The following SUGCT variants were observed in gnomAD, a reference collection of about 807,000 sequenced individuals.
SUGCT encodes succinyl-CoA:glutarate-CoA transferase.
Under a neutral mutation model 55.0 loss-of-function variants are expected in SUGCT, and 41 were observed. The ratio of observed to expected loss-of-function variants is 0.74; its 90% confidence interval spans 0.58 to 0.97. The LOEUF is 0.97. Among genes scored for constraint, SUGCT ranks in the 50% least tolerant of loss-of-function variants. The pLI is 0.00. For synonymous variants in SUGCT, 187 were observed against 200.4 expected (o/e 0.93, Z 0.56); for missense variants, 568 against 547.8 (o/e 1.04, Z -0.37).
chr7:41,009,327 A>C, the SUGCT span, among the ~76,000 whole-genome samples: 2 of 152,166 alleles, frequency 1.3e-5, no homozygotes, highest in African/African-American at 4.8e-5. Context: ...TTTTATACCC[A>C]GGGCTCAATG....
At chr7:40,444,758 A>C (rs566539718) in intron 9 of SUGCT, among the ~76,000 whole-genome samples, 5 of 152,078 alleles carry the variant, frequency 3.3e-5, no homozygotes, top group Non-Finnish European at 5.9e-5. Flanking sequence ...TTCCAACACT[A>C]TGTTGAATAG....
intron 13 of SUGCT, among the ~76,000 whole-genome samples, chr7:40,770,416 G>A (rs1789034006): frequency 6.6e-6 from 1 of 152,152 alleles, no homozygotes; most frequent in Non-Finnish European, 1.5e-5. Flanking sequence ...TTCCCTGGAA[G>A]GTGGTCCTTG....
the SUGCT span, among the ~76,000 whole-genome samples, chr7:40,882,184 C>A: frequency 6.6e-6 from 1 of 152,150 alleles, no homozygotes; most frequent in Non-Finnish European, 1.5e-5. Context: ...AGGAAAAATC[C>A]ATTAATTTAT....
At chr7:40,225,214 T>G (rs1362202015) in intron 6 of SUGCT, among the ~76,000 whole-genome samples, 1 of 152,176 alleles carries the variant, frequency 6.6e-6, no homozygotes, top group Non-Finnish European at 1.5e-5. Context: ...TTCAGTATGC[T>G]TTTGCTGCAT....
chr7:40,760,441 G>A (rs1299017223), intron 13 of SUGCT, among the ~76,000 whole-genome samples: 1 of 152,156 alleles, frequency 6.6e-6, no homozygotes, highest in Admixed American at 6.5e-5. Flanking sequence ...GCTGGAGGGA[G>A]AGGGGTATGG....
Position 40,214,417 on chromosome 7 carries a change from G to A in SUGCT, c.484+19357G>A, listed in dbSNP as rs540433747. Among the ~76,000 whole-genome samples the A allele has an allele frequency of 5.9e-5, 9 of 152,184 alleles. No homozygotes were observed. In the South Asian group the frequency reaches 1.9e-3, roughly 32 times the overall value. ...CATAATATTTACAGCAGCCCCATGG[G>A]GTAGCTTCAATTATCATTTTAAAGT... is the stretch of plus-strand genomic sequence containing the variant. On this transcript the variant is annotated intron_variant, in intron 6 of 13. Transcript: ENST00000335693.
In SUGCT at chr7:40,478,087, G is replaced by A. The variant is rs148380995; in HGVS notation, c.987-18197G>A. On this transcript the variant is annotated intron_variant, in intron 11 of 13. Transcript: ENST00000335693. ...AGCTCACTGCAGCCTCAAACTCTTG[G>A]GCTCAAGGGATCCTCCTGCCTAAGC... Among the ~76,000 whole-genome samples the A allele has an allele frequency of 2.6e-3, 391 of 152,204 alleles. 2 individuals are homozygous for A. The highest frequency in any genetic ancestry group is 9.1e-3 in the African/African-American group (380 of 41,544).
Position 40,269,776 on chromosome 7 carries a change from A to G in SUGCT, c.577-4737A>G, listed in dbSNP as rs370715194. Among the ~76,000 whole-genome samples the G allele has an allele frequency of 7.2e-5, 11 of 152,270 alleles. No individual in the cohort carries two copies. In the East Asian group the frequency reaches 1.4e-3, roughly 19 times the overall value. ...GTATATTTTCTTTGGAGAAATGTCT[A>G]TTGAGATCTTTTGCCCATATTTAAA... On this transcript the variant is annotated intron_variant, in intron 7 of 13. Coordinates refer to ENST00000335693, the MANE Select transcript of SUGCT (RefSeq NM_001193313.2).
chr7:40,739,280 C>T (rs1160902410), intron 12 of SUGCT, among the ~76,000 whole-genome samples: 1 of 152,130 alleles, frequency 6.6e-6, no homozygotes, highest in Non-Finnish European at 1.5e-5. Flanking sequence ...TCTGGAGACC[C>T]CCAATCTGTT....
At chr7:40,886,154 T>A in the SUGCT span, among the ~76,000 whole-genome samples, 2 of 152,148 alleles carry the variant, frequency 1.3e-5, no homozygotes, top group African/African-American at 4.8e-5. Context: ...AAACAATGCA[T>A]GATAGAGTAG....
chr7:40,185,901 A>G (rs1200572276), intron 3 of SUGCT, among the ~76,000 whole-genome samples: 1 of 152,098 alleles, frequency 6.6e-6, no homozygotes, highest in Non-Finnish European at 1.5e-5. Flanking sequence ...TTCATATTAT[A>G]TATTTAATTG....
At chr7:40,336,585 G>A (rs1355640231) in intron 9 of SUGCT, among the ~76,000 whole-genome samples, 15 of 152,036 alleles carry the variant, frequency 9.9e-5, no homozygotes, top group African/African-American at 3.6e-4. Flanking sequence ...CTGTGGGATC[G>A]GTCATGATAT....
intron 9 of SUGCT, among the ~76,000 whole-genome samples, chr7:40,322,597 G>A (rs1795813499): frequency 6.6e-6 from 1 of 152,248 alleles, no homozygotes. Context: ...CAGCTATAGT[G>A]TTGCCCTCAT....
intron 12 of SUGCT, among the ~76,000 whole-genome samples, chr7:40,514,065 C>T (rs1038475889): frequency 6.6e-6 from 1 of 151,958 alleles, no homozygotes; most frequent in African/African-American, 2.4e-5. Flanking sequence ...GCTGGGATTA[C>T]AGGTGTGAGT....
intron 12 of SUGCT, among the ~76,000 whole-genome samples, chr7:40,628,769 C>A (rs191523084): frequency 6.6e-6 from 1 of 151,916 alleles, no homozygotes; most frequent in East Asian, 1.9e-4. Flanking sequence ...TAGATGGAGT[C>A]TCACTCTGCC....
At chr7:40,331,466 T>C (rs1368562191) in intron 9 of SUGCT, among the ~76,000 whole-genome samples, 3 of 152,170 alleles carry the variant, frequency 2.0e-5, no homozygotes, top group African/African-American at 7.2e-5. Context: ...ATAAAATAGG[T>C]ATATTACTAC....
chr7:40,162,143 G>A (rs544962460), intron 1 of SUGCT, among the ~76,000 whole-genome samples: 1 of 152,058 alleles, frequency 6.6e-6, no homozygotes, highest in African/African-American at 2.4e-5. Flanking sequence ...TGATCCGCCC[G>A]CCTCGGCCTC....
At chr7:40,397,858 G>A (rs1162644023) in intron 9 of SUGCT, among the ~76,000 whole-genome samples, 1 of 152,126 alleles carries the variant, frequency 6.6e-6, no homozygotes, top group African/African-American at 2.4e-5. Flanking sequence ...TGTCCACTCT[G>A]TGTTTTCCTT....
chr7:40,650,393 A>T (rs1383954691), intron 12 of SUGCT, among the ~76,000 whole-genome samples: 1 of 152,204 alleles, frequency 6.6e-6, no homozygotes, highest in Admixed American at 6.5e-5. Context: ...GAGGCCTGAA[A>T]CATGTTGGTT....
Sources: gnomAD v4.1 joint callset for allele counts (sites outside exome capture counted in the v4.1 genomes callset) on GRCh38, gnomAD v4.1.1 for gene constraint, MANE v1.5 for transcripts, NCBI Gene and HGNC (gene_info 2026-07-23, HGNC 2026-07-21) for gene names.